ANO3: variants seen among roughly 807,000 people sequenced by gnomAD.
ANO3 encodes anoctamin 3, also known as anoctamin-3.
A neutral mutation model predicts 144.8 loss-of-function variants in ANO3; 99 were observed. The observed-to-expected ratio is 0.68, with a 90% CI of 0.58 to 0.81. ANO3 has a LOEUF of 0.81. Among genes scored for constraint, ANO3 ranks in the 30% least tolerant of loss-of-function variants. The pLI is 0.00. For synonymous variants in ANO3, 414 were observed against 392.6 expected (o/e 1.05, Z -0.64); for missense variants, 905 against 1,202.2 (o/e 0.75, Z 3.66).
intron 1 of ANO3, among the ~76,000 whole-genome samples, chr11:26,316,479 A>C (rs921621417): frequency 7.2e-5 from 11 of 152,212 alleles, no homozygotes; most frequent in Non-Finnish European, 4.4e-5. Context: ...CTTAAAACAG[A>C]AACACAGTCT....
intron 3 of ANO3, among the ~76,000 whole-genome samples, chr11:26,451,414 C>T (rs936933968): frequency 1.3e-5 from 2 of 152,210 alleles, no homozygotes; most frequent in Non-Finnish European, 2.9e-5. Context: ...GCTTAAAAAA[C>T]GGCACACCAG....
chr11:26,653,030 A>C (rs1244046609), intron 24 of ANO3, among the ~76,000 whole-genome samples: 1 of 152,104 alleles, frequency 6.6e-6, no homozygotes, highest in Non-Finnish European at 1.5e-5. Context: ...CTCATCTCTC[A>C]GCTTTAGTTT....
intron 14 of ANO3, among the ~76,000 whole-genome samples, chr11:26,596,979 T>C (rs1362225273): frequency 6.6e-6 from 1 of 152,126 alleles, no homozygotes; most frequent in Non-Finnish European, 1.5e-5. Flanking sequence ...TTAGAAAGCT[T>C]TTTCCCAGGA....
intron 17 of ANO3, among the ~76,000 whole-genome samples, chr11:26,614,315 G>C (rs1852187251): frequency 6.6e-6 from 1 of 152,190 alleles, no homozygotes; most frequent in Admixed American, 6.5e-5. Flanking sequence ...AGGTTCACCT[G>C]TTTATTGGAA....
In ANO3 at chr11:26,443,914, A is replaced by AT. The variant is rs980416807; in HGVS notation, c.313+88dup. 1.0e-2 allele frequency: 8,435 copies of AT among 847,312 alleles called. 3 individuals are homozygous for AT. Among genetic ancestry groups the AT allele is most frequent in the African/African-American group, 0.017 (991 of 56,650 alleles). The allele number at this position is 847,312 out of a possible 1,614,324, so 52.5% of individuals were successfully genotyped here. ...CTGTGTTCTTCTAAAAAAAACTAGC[A>AT]TTTTTTTTTTAAGAAAAAGTTCATG... On this transcript the variant is annotated intron_variant, in intron 3 of 26. Transcript: ENST00000256737.
chr11:26,654,729 A>G (rs1318773187), intron 24 of ANO3, among the ~76,000 whole-genome samples: 2 of 152,296 alleles, frequency 1.3e-5, no homozygotes, highest in South Asian at 2.1e-4. Context: ...TATTAGCTAT[A>G]TGTATTTATG....
intron 3 of ANO3, among the ~76,000 whole-genome samples, chr11:26,446,244 AG>A (rs1278892472): frequency 1.3e-5 from 2 of 152,276 alleles, no homozygotes; most frequent in African/African-American, 2.4e-5. Flanking sequence ...AGTTAAATAA[AG>A]CATGAGTAAA....
At chr11:26,307,594 C>G (rs1312727973), upstream of ANO3, among the ~76,000 whole-genome samples, 2 of 151,860 alleles carry the variant, frequency 1.3e-5, no homozygotes, top group Non-Finnish European at 2.9e-5. Flanking sequence ...TGGCACATGC[C>G]TGTAGTCCCA....
intron 17 of ANO3, among the ~76,000 whole-genome samples, chr11:26,614,041 A>G (rs1412184230): frequency 6.6e-6 from 1 of 152,222 alleles, no homozygotes; most frequent in Admixed American, 6.5e-5. Context: ...ATGCAGGCAC[A>G]TGCATGCACT....
chr11:26,510,157 T>TAAAA (rs1861609100), intron 5 of ANO3, among the ~76,000 whole-genome samples: 3 of 39,912 alleles, frequency 7.5e-5, no homozygotes, highest in Admixed American at 2.4e-4. Flanking sequence ...AAAAAAAGAG[T>TAAAA]AGAAAAGAAA....
chr11:26,298,903 A>T (rs903728830), intron 1 of ANO3, among the ~76,000 whole-genome samples: 2 of 152,196 alleles, frequency 1.3e-5, no homozygotes, highest in African/African-American at 4.8e-5. Context: ...GGGAGCCAAG[A>T]TCAGAGAGAT....
chr11:26,631,772 A>G (rs1329155747), intron 18 of ANO3, among the ~76,000 whole-genome samples: 1 of 152,208 alleles, frequency 6.6e-6, no homozygotes, highest in African/African-American at 2.4e-5. Context: ...ATGAACTAAC[A>G]TGTCAGTATA....
intron 1 of ANO3, among the ~76,000 whole-genome samples, chr11:26,408,186 C>A (rs1326468848): frequency 6.6e-6 from 1 of 151,972 alleles, no homozygotes; most frequent in African/African-American, 2.4e-5. Context: ...AGTGAACAGG[C>A]AACCTACAAA....
chr11:26,359,248 C>A (rs1180718994), intron 1 of ANO3, among the ~76,000 whole-genome samples: 1 of 152,148 alleles, frequency 6.6e-6, no homozygotes, highest in Non-Finnish European at 1.5e-5. Context: ...TTATTTCTTG[C>A]TTTTAAGTTC....
chr11:26,264,644 TC>T (rs1853267133), intron 1 of ANO3, among the ~76,000 whole-genome samples: 1 of 152,164 alleles, frequency 6.6e-6, no homozygotes, highest in Non-Finnish European at 1.5e-5. Flanking sequence ...TTATTTTCCC[TC>T]AGTCCTGGAG....
intron 1 of ANO3, among the ~76,000 whole-genome samples, chr11:26,267,440 AT>A (rs1257258909): frequency 6.6e-6 from 1 of 152,210 alleles, no homozygotes; most frequent in Non-Finnish European, 1.5e-5. Context: ...AGATCATTGT[AT>A]TTTTATATGG....
intron 4 of ANO3, among the ~76,000 whole-genome samples, chr11:26,499,890 TC>T (rs1861123336): frequency 6.6e-6 from 1 of 151,920 alleles, no homozygotes; most frequent in Non-Finnish European, 1.5e-5. Flanking sequence ...TGTGCAACCA[TC>T]CCCACAATCT....
At chr11:26,358,858 G>T (rs899187191) in intron 1 of ANO3, among the ~76,000 whole-genome samples, 1 of 151,854 alleles carries the variant, frequency 6.6e-6, no homozygotes, top group African/African-American at 2.4e-5. Context: ...TTCCACAATT[G>T]TCATTAATCC....
At chr11:26,551,496 G>A (rs181593978) in intron 12 of ANO3, among the ~76,000 whole-genome samples, 3 of 151,942 alleles carry the variant, frequency 2.0e-5, no homozygotes, top group Non-Finnish European at 4.4e-5. Flanking sequence ...CAAGTTGAAT[G>A]TTGAGTAACT....
Sources: gnomAD v4.1 joint callset for allele counts (sites outside exome capture counted in the v4.1 genomes callset) on GRCh38, gnomAD v4.1.1 for gene constraint, MANE v1.5 for transcripts, NCBI Gene and HGNC (gene_info 2026-07-23, HGNC 2026-07-21) for gene names.